The following MAPK8 variants were observed in gnomAD, a reference collection of about 807,000 sequenced individuals.
The protein encoded by MAPK8 is mitogen-activated protein kinase 8.
MAPK8 carries 13 observed loss-of-function variants against 52.9 expected under a neutral mutation model. The ratio of observed to expected loss-of-function variants is 0.25; its 90% CI spans 0.16 to 0.39. The LOEUF is 0.39. MAPK8 is among the 10% of genes least tolerant of loss of function. MAPK8 has a pLI of 1.00. For synonymous variants in MAPK8, 191 were observed against 169.8 expected (o/e 1.12, Z -0.97); for missense variants, 300 against 519.2 (o/e 0.58, Z 4.10).
rs765428462 is a variant in MAPK8 at position 48,426,083 on chromosome 10, A to T, written c.871+13A>T. 1.1e-5 allele frequency: 17 copies of T among 1,599,650 alleles called. No homozygotes were observed. In the East Asian group the frequency reaches 3.6e-4, roughly 34 times the overall value. ...AACAAACTTAAAGGTACTTTTTACAAATATGTACATTTAATCCCATTTGGG... is the reference window on the plus strand; with the variant it reads ...AACAAACTTAAAGGTACTTTTTACATATATGTACATTTAATCCCATTTGGG... On this transcript the variant is annotated intron_variant, in intron 8 of 11. Coordinates refer to ENST00000374189, the MANE Select transcript of MAPK8 (RefSeq NM_001323329.2).
At chr10:48,348,467 C>G (rs1389709278) in intron 1 of MAPK8, among the ~76,000 whole-genome samples, 1 of 152,132 alleles carries the variant, frequency 6.6e-6, no homozygotes, top group Non-Finnish European at 1.5e-5. Context: ...TTGCCCATGC[C>G]TATGTCCTCA....
chr10:48,434,985 A>G lies in MAPK8; in HGVS notation c.1240A>G (p.Ser414Gly). 1 of 1,487,332 alleles carries G rather than the reference A, an allele frequency of 6.7e-7. No individual in the cohort carries two copies. Among genetic ancestry groups the G allele is most frequent in the East Asian group, 2.9e-5 (1 of 34,092 alleles). 92.1% of individuals were successfully genotyped at this position (1,487,332 alleles called of 1,614,324 possible). Residue 414 changes from serine to glycine, a missense_variant, in exon 12 of 12, where the codon AGC becomes GGC. This residue lies in a region of MAPK8 where 119 missense variants were observed against 154.4 expected (regional missense o/e 0.77). Transcript: ENST00000374189. ...TDPTLASDTD[S>G]SLEAAAGPLG... ...TCCGACTTTGGCCTCTGATACAGAC[A>G]GCAGTCTAGAAGCAGCAGCTGGGCC...
chr10:48,420,367 T>C (rs1028509241), intron 6 of MAPK8, 47 bp downstream of exon 6: 3 of 1,482,302 alleles, frequency 2.0e-6, no homozygotes, highest in Non-Finnish European at 2.7e-6. Context: ...TTAGCTTTTT[T>C]CTTTATTCAG....
intron 1 of MAPK8, among the ~76,000 whole-genome samples, chr10:48,357,481 CCT>C (rs1193077472): frequency 6.6e-6 from 1 of 152,086 alleles, no homozygotes; most frequent in Non-Finnish European, 1.5e-5. Context: ...GCAGCCTTGA[CCT>C]CTCGGGCTCA....
chr10:48,418,198 T>C (rs2043164681), intron 5 of MAPK8, among the ~76,000 whole-genome samples: 1 of 152,212 alleles, frequency 6.6e-6, no homozygotes, highest in Non-Finnish European at 1.5e-5. Context: ...TCATGAAATG[T>C]TTTGTTACTA....
intron 10 of MAPK8, among the ~76,000 whole-genome samples, chr10:48,429,388 C>T (rs2043985141): frequency 6.6e-6 from 1 of 152,156 alleles, no homozygotes; most frequent in Non-Finnish European, 1.5e-5. Context: ...AAAACATTTA[C>T]CTTTATTCTG....
chr10:48,410,793 G>GTTA (rs2042706358), intron 5 of MAPK8, among the ~76,000 whole-genome samples: 1 of 152,154 alleles, frequency 6.6e-6, no homozygotes, highest in Non-Finnish European at 1.5e-5. Context: ...GTCAGTACTT[G>GTTA]TTATCTGACT....
At chr10:48,308,947 CTAA>C (rs1395788480) in intron 1 of MAPK8, among the ~76,000 whole-genome samples, 1 of 152,074 alleles carries the variant, frequency 6.6e-6, no homozygotes. Flanking sequence ...AATGAGTTAA[CTAA>C]TGAGTTTCTT....
chr10:48,323,394 A>T (rs1180657133), intron 1 of MAPK8, among the ~76,000 whole-genome samples: 2 of 152,204 alleles, frequency 1.3e-5, no homozygotes. Flanking sequence ...GAGAAACCCT[A>T]GGATACTGAG....
At chr10:48,338,891 T>C (rs1467234090) in intron 1 of MAPK8, among the ~76,000 whole-genome samples, 1 of 151,844 alleles carries the variant, frequency 6.6e-6, no homozygotes, top group African/African-American at 2.4e-5. Flanking sequence ...AAGGGAAAGA[T>C]CTCTACAAAG....
At chr10:48,347,465 G>GTACC (rs1307261078) in intron 1 of MAPK8, among the ~76,000 whole-genome samples, 1 of 152,228 alleles carries the variant, frequency 6.6e-6, no homozygotes, top group East Asian at 1.9e-4. Context: ...TGTTACATAG[G>GTACC]TATACACGTG....
In MAPK8 at chr10:48,373,892, G is replaced by A. The variant is rs890051091; in HGVS notation, c.-49-27720G>A. Among the ~76,000 whole-genome samples the A allele has an allele frequency of 5.9e-5, 9 of 152,130 alleles. No homozygotes were observed. The East Asian group carries it at 1.7e-3, about 29-fold the overall frequency. ...GGAGTTGAACTCAGCTCTGGACCAA[G>A]CAGACCTAATAGACGCCTACAGAAC... On this transcript the variant is annotated intron_variant, in intron 1 of 11. Coordinates refer to ENST00000374189, the MANE Select transcript of MAPK8 (RefSeq NM_001323329.2).
At position 48,369,284 on chromosome 10, in the gene MAPK8, T is replaced by A. The variant is rs145611503; in HGVS notation, c.-49-32328T>A. On this transcript the variant is annotated intron_variant, in intron 1 of 11. Coordinates refer to ENST00000374189, the MANE Select transcript of MAPK8 (RefSeq NM_001323329.2). ...AGAAGAGAACTGATCTGTGGTAGATTAAAGGTTGAATCTCCAGAAGTGTAT... is the reference window on the plus strand; with the variant it reads ...AGAAGAGAACTGATCTGTGGTAGATAAAAGGTTGAATCTCCAGAAGTGTAT... Among the ~76,000 whole-genome samples the A allele has an allele frequency of 3.5e-3, 528 of 152,222 alleles. 5 individuals are homozygous for A. Among genetic ancestry groups the A allele is most frequent in the African/African-American group, 0.012 (514 of 41,540 alleles).
At chr10:48,339,653 G>C (rs1238680201) in intron 1 of MAPK8, among the ~76,000 whole-genome samples, 1 of 152,082 alleles carries the variant, frequency 6.6e-6, no homozygotes, top group African/African-American at 2.4e-5. Context: ...GAAAGTATTT[G>C]CAAACTATAT....
At chr10:48,363,349 C>T (rs1847731041) in intron 1 of MAPK8, among the ~76,000 whole-genome samples, 1 of 152,206 alleles carries the variant, frequency 6.6e-6, no homozygotes, top group South Asian at 2.1e-4. Flanking sequence ...TCTCTTTTCT[C>T]CCCACCTTTG....
chr10:48,387,831 C>T (rs111746267), intron 1 of MAPK8, among the ~76,000 whole-genome samples: 7 of 152,174 alleles, frequency 4.6e-5, no homozygotes, highest in Admixed American at 1.3e-4. Flanking sequence ...AGGAGATTTT[C>T]GGGGTAATTT....
intron 1 of MAPK8, among the ~76,000 whole-genome samples, chr10:48,378,430 T>G (rs560322010): frequency 6.6e-4 from 100 of 152,312 alleles, no homozygotes; most frequent in African/African-American, 2.4e-3. Flanking sequence ...CAGTTAAGAA[T>G]TTGTATTGCA....
chr10:48,432,334 A>G (rs2044370604), intron 11 of MAPK8, among the ~76,000 whole-genome samples: 1 of 152,114 alleles, frequency 6.6e-6, no homozygotes, highest in South Asian at 2.1e-4. Flanking sequence ...TGTTTAAGCC[A>G]TTTTTTGTGG....
Position 48,438,009 on chromosome 10 carries a change from A to G in MAPK8, c.*2980A>G, listed in dbSNP as rs1376932029. The stretch of plus-strand genomic sequence containing the variant: ...TTACAGATAAGACTTGGTTTACACT[A>G]TTGGCCAGTATCTGCTAAACATATG... On this transcript the variant is annotated 3_prime_UTR_variant, in exon 12 of 12. Coordinates refer to ENST00000374189, the MANE Select transcript of MAPK8 (RefSeq NM_001323329.2). 5 of 152,250 alleles carry G rather than the reference A, an allele frequency of 3.3e-5. No individual in the cohort carries two copies. The highest frequency in any genetic ancestry group is 7.2e-5 in the African/African-American group (3 of 41,472). The allele number at this position is 152,250 out of a possible 1,614,324, so 9.4% of individuals were successfully genotyped here. A position where few individuals can be genotyped will look rare whatever the true frequency, so the allele number is the denominator to read the frequency against.
Sources: allele counts gnomAD v4.1 joint callset (sites outside exome capture counted in the v4.1 genomes callset), GRCh38; gene constraint gnomAD v4.1.1; regional missense constraint gnomAD v4.1.1; transcripts MANE v1.5; gene names NCBI Gene and HGNC (gene_info 2026-07-23, HGNC 2026-07-21).